Variants in TTN observed in about 807,000 individuals in gnomAD.
TTN encodes the protein titin.
Under a neutral mutation model 3,223.0 loss-of-function variants are expected in TTN, and 1,525 were observed. The observed-to-expected ratio is 0.47, with a 90% CI of 0.45 to 0.49. The LOEUF (loss-of-function observed/expected upper bound fraction) is 0.49. TTN is among the 20% of genes least tolerant of loss of function. The pLI is 0.00. For synonymous variants in TTN, 14,094 were observed against 15,161.0 expected, an observed-to-expected ratio of 0.93 and a Z score of 5.17; for missense variants, 40,786 against 43,424.0, an observed-to-expected ratio of 0.94 and a Z score of 5.40.
chr2:178,723,683 A>T lies in TTN; in HGVS notation c.21417T>A (p.Phe7139Leu). 1 of 1,585,662 alleles carries T rather than the reference A, an allele frequency of 6.3e-7. No individual in the cohort carries two copies. ...AVLTVQEPPS[F>L]VKEPEPLEVL... ...CTTCCAAAGGTTCAGGTTCTTTCAC[A>T]AAAGAGGGTGGTTCTATATAGACAT... The change falls in exon 74 of 363, where the codon TTT becomes TTA. Residue 7139 changes from phenylalanine to leucine, a missense_variant. By Grantham distance (22) the Phe-to-Leu change is conservative (BLOSUM62 0). Transcript: ENST00000589042.
rs753408795 is a variant in TTN, at chr2:178,594,560, C to T, written c.57934G>A (p.Gly19312Ser). ...TLTWNPPKYD[G>S]GSEIINYVLE... Reference sequence around the variant, plus strand: ...ACATAGTTAATAATTTCTGACCCACCATCATACTTAGGAGGATTCCAAGTC... The same window carrying T: ...ACATAGTTAATAATTTCTGACCCACTATCATACTTAGGAGGATTCCAAGTC... The change falls in exon 296 of 363, where the codon GGT becomes AGT. Residue 19312 changes from glycine to serine, a missense_variant. By Grantham distance (56) the Gly-to-Ser change is moderately conservative. Coordinates refer to ENST00000589042, the MANE Select transcript of TTN (RefSeq NM_001267550.2). 6 of 1,613,138 alleles carry T rather than the reference C, an allele frequency of 3.7e-6. No individual in the cohort carries two copies. The African/African-American group carries it at 8.0e-5, about 22-fold the overall frequency.
rs768739517 is a variant in TTN at position 178,795,019 on chromosome 2, T to A, written c.1148A>T (p.Gln383Leu). ...AGCACCACTGATGGTCACTTGCTCC[T>A]GGACACCGTATCTCCCTTCCCATCT... Reference protein sequence around the residue: ...EERWEGRYGVQEQVTISGAAG... With the variant: ...EERWEGRYGVLEQVTISGAAG... The change falls in exon 7 of 363, where the codon CAG (glutamine) becomes CTG (leucine). Residue 383 changes from glutamine (Q) to leucine (L), a missense_variant. By Grantham distance (113) the Gln-to-Leu change is moderately radical (BLOSUM62 -2). Transcript: ENST00000589042. 1.2e-6 allele frequency: 2 copies of A among 1,611,956 alleles called. No individual in the cohort carries two copies. The highest frequency in any genetic ancestry group is 3.3e-5 in the Admixed American group (2 of 60,030).
At position 178,576,834 on chromosome 2, in the gene TTN, G is replaced by T. The variant is rs1232621000; in HGVS notation, c.69413-3C>A. On this transcript the variant is annotated splice_polypyrimidine_tract_variant and splice_region_variant and intron_variant, in intron 324 of 362. Transcript: ENST00000589042. The surrounding 1 kb of genome is among the most constrained non-coding windows in gnomAD (Gnocchi z 4.3). ...TTTTTCAGGAGGGCCAGGGGGACCT[G>T]AAAAGGAAGCAAATTTATTAGAAAT... The T allele has an allele frequency of 1.1e-5, 17 of 1,603,278 alleles. No individual in the cohort carries two copies. Among genetic ancestry groups the T allele is most frequent in the African/African-American group, 1.4e-5 (1 of 73,874 alleles).
rs1698086826 is a variant in TTN, at chr2:178,548,476, A to G, written c.93150T>C (p.His31050=). 6.2e-7 allele frequency: 1 copy of G among 1,613,696 alleles called. No individual in the cohort carries two copies. Among genetic ancestry groups the G allele is most frequent in the Non-Finnish European group, 8.5e-7 (1 of 1,179,776 alleles). ...TTGCCTCTCGTTTCTCTACCACATA[A>G]TGATGGATTCGGGCACCACCGTCAA... ...PLLDGGARIH[H]YVVEKREASR... The change falls in exon 339 of 363, where the codon CAT becomes CAC. Residue 31050 remains histidine, a synonymous_variant. Coordinates refer to ENST00000589042, the MANE Select transcript of TTN (RefSeq NM_001267550.2). The surrounding 1 kb of genome is among the most constrained non-coding windows in gnomAD (Gnocchi z 4.3).
At chr2:178,695,154 C>T (rs2073405685) in intron 115 of TTN, among the ~76,000 whole-genome samples, 194 bp downstream of exon 115, 2 of 151,558 alleles carry the variant, frequency 1.3e-5, no homozygotes, top group Non-Finnish European at 2.9e-5. Context: ...TTTACCATTA[C>T]AATTTTTATC....
In TTN at chr2:178,557,813, T is replaced by C; in HGVS notation, c.87541A>G (p.Ser29181Gly). 2 of 1,613,986 alleles carry C rather than the reference T, an allele frequency of 1.2e-6. No individual in the cohort carries two copies. The highest frequency in any genetic ancestry group is 1.7e-6 in the Non-Finnish European group (2 of 1,179,846). The change falls in exon 328 of 363, where the codon AGT (serine) becomes GGT (glycine). Residue 29181 changes from serine to glycine, a missense_variant. By Grantham distance (56) the Ser-to-Gly change is moderately conservative. Coordinates refer to ENST00000589042, the MANE Select transcript of TTN (RefSeq NM_001267550.2). ...TNYILLKRETSTAVWTEVSAT... is the reference protein window; with the variant it reads ...TNYILLKRETGTAVWTEVSAT... ...GACACTTCAGTCCACACTGCAGTAC[T>C]TGTTTCTCTTTTGAGTAGAATGTAG...
rs886038922 is a variant in TTN at position 178,593,261 on chromosome 2, C to T, written c.58947G>A (p.Gln19649=). 1 of 1,613,414 alleles carries T rather than the reference C, an allele frequency of 6.2e-7. No homozygotes were observed. Among genetic ancestry groups the T allele is most frequent in the Non-Finnish European group, 8.5e-7 (1 of 1,179,568 alleles). The change falls in exon 299 of 363, where the codon CAG becomes CAA. Residue 19649 remains glutamine (Q), a synonymous_variant. Coordinates refer to ENST00000589042, the MANE Select transcript of TTN (RefSeq NM_001267550.2). ...TTTCTGCAGAAACCCGGAATTCATA[C>T]TGACATCCTTCTAGAAGATCAGGAA... ...FRVPDLLEGC[Q]YEFRVSAENE...
At chr2:178,745,365 G>A in intron 47 of TTN, 1 of 1,401,736 alleles carries the variant, frequency 7.1e-7, no homozygotes, top group Non-Finnish European at 9.3e-7. Flanking sequence ...TACACAGCAT[G>A]ATTGACACAA....
At position 178,587,564 on chromosome 2, in the gene TTN, C is replaced by A; in HGVS notation, c.63745G>T (p.Val21249Leu). 2 of 1,612,132 alleles carry A rather than the reference C, an allele frequency of 1.2e-6. No homozygotes were observed. Among genetic ancestry groups the A allele is most frequent in the Non-Finnish European group, 1.7e-6 (2 of 1,179,112 alleles). ...DDSGKYSLTL[V>L]NPAGEKAVFV... ...ACAGCCTTTTCTCCTGCTGGGTTCA[C>A]AAGTGTTAAGGAATATTTTCCTGAG... Residue 21249 changes from valine (V) to leucine (L), a missense_variant, in exon 306 of 363, where the codon GTG becomes TTG. By Grantham distance (32) the Val-to-Leu change is conservative (BLOSUM62 1). Coordinates refer to ENST00000589042, the MANE Select transcript of TTN (RefSeq NM_001267550.2).
At position 178,547,202 on chromosome 2, in the gene TTN, A is replaced by C; in HGVS notation, c.94323T>G (p.Ile31441Met). 1.9e-6 allele frequency: 3 copies of C among 1,613,860 alleles called. 1 individual carries two copies. The South Asian group carries it at 3.3e-5, about 18-fold the overall frequency. The stretch of plus-strand genomic sequence containing the variant: ...GTTCTTTCTTCTCAACCCAGTAGCC[A>C]ATGATTTTACTGCCACCATCGTGGT... ...EPYHDGGSKI[I>M]GYWVEKKERN... Residue 31441 changes from isoleucine to methionine, a missense_variant, in exon 340 of 363, where the codon ATT becomes ATG. By Grantham distance (10) the Ile-to-Met change is conservative. Coordinates refer to ENST00000589042, the MANE Select transcript of TTN (RefSeq NM_001267550.2).
Position 178,608,289 on chromosome 2 carries a change from C to G in TTN, c.52594G>C (p.Asp17532His). ...SLLNALKANV[D>H]GLLEGLTYVF... ...TAGGTGAGTCCTTCTAATAAGCCAT[C>G]TACATTGGCTTTCAAGGCATTCAGA... The change falls in exon 275 of 363, where the codon GAT becomes CAT. Residue 17532 changes from aspartate to histidine, a missense_variant. By Grantham distance (81) the Asp-to-His change is moderately conservative. Coordinates refer to ENST00000589042, the MANE Select transcript of TTN (RefSeq NM_001267550.2). 2.5e-6 allele frequency: 4 copies of G among 1,612,190 alleles called. No homozygotes were observed. The highest frequency in any genetic ancestry group is 1.1e-5 in the South Asian group (1 of 90,920).
intron 90 of TTN, 94 bp downstream of exon 90, chr2:178,714,892 T>C: frequency 6.8e-7 from 1 of 1,464,572 alleles, no homozygotes; most frequent in Non-Finnish European, 9.2e-7. Context: ...TGGAATAGGC[T>C]GCTAGTGATA....
rs2080673398 is a variant in TTN at position 178,732,233 on chromosome 2, G to A, written c.16736C>T (p.Ala5579Val). 1 of 1,613,684 alleles carries A rather than the reference G, an allele frequency of 6.2e-7. No individual in the cohort carries two copies. The highest frequency in any genetic ancestry group is 8.5e-7 in the Non-Finnish European group (1 of 1,179,786). ...GCTCTCCTTAATTTCTCTATCATTT[G>A]CAAACCATGTTATTTTAATTGGAGG... is the stretch of plus-strand genomic sequence containing the variant. ...GTPPIKITWF[A>V]NDREIKESSK... The change falls in exon 57 of 363, where the codon GCA becomes GTA. Residue 5579 changes from alanine (A) to valine (V), a missense_variant. Transcript: ENST00000589042.
At position 178,712,535 on chromosome 2, in the gene TTN, C is replaced by A; in HGVS notation, c.27387G>T (p.Leu9129=). ...TTCCAGTGAATGTACCCTCTAGGAT[C>A]AGGGGTTTTCCTTTCTCTATGCTGT... ...NDYSIEKGKP[L]ILEGTFTGTP... is the part of the protein sequence containing the mutation. The change falls in exon 95 of 363, where the codon CTG becomes CTT. Residue 9129 remains leucine, a synonymous_variant. Coordinates refer to ENST00000589042, the MANE Select transcript of TTN (RefSeq NM_001267550.2). 6.2e-7 allele frequency: 1 copy of A among 1,613,488 alleles called. No homozygotes were observed. Among genetic ancestry groups the A allele is most frequent in the Non-Finnish European group, 8.5e-7 (1 of 1,179,654 alleles).
rs1389021546 is a variant in TTN, at chr2:178,682,812, TTCATATTCC to T, written c.32970_32978del (p.Glu10993_Tyr10995del). 3 of 1,612,318 alleles carry T rather than the reference TTCATATTCC, an allele frequency of 1.9e-6. No homozygotes were observed. In the Admixed American group the frequency reaches 5.0e-5, roughly 27 times the overall value. Reference sequence around the variant, plus strand: ...CCTCAAATTCTTTATAATCATATTCTTCATATTCCTCATATTCTTCTTCCCGTTGTACTG... The same window carrying T: ...CCTCAAATTCTTTATAATCATATTCTTCATATTCTTCTTCCCGTTGTACTG... On this transcript the variant is annotated inframe_deletion, in exon 135 of 363. Transcript: ENST00000589042.
chr2:178,773,877 C>A lies in TTN; in HGVS notation c.7291G>T (p.Ala2431Ser). 2 of 1,614,034 alleles carry A rather than the reference C, an allele frequency of 1.2e-6. No homozygotes were observed. The highest frequency in any genetic ancestry group is 1.1e-5 in the South Asian group (1 of 91,068). ...DAGNYSFTIP[A>S]LGLSTSGRVS... Reference sequence around the variant, plus strand: ...CGCCCACTGGTGGAGAGGCCAAGGGCTGGAATGGTGAAAGAGTAATTTCCA... The same window carrying A: ...CGCCCACTGGTGGAGAGGCCAAGGGATGGAATGGTGAAAGAGTAATTTCCA... Residue 2431 changes from alanine (A) to serine (S), a missense_variant, in exon 31 of 363, where the codon GCC (alanine) becomes TCC (serine). Coordinates refer to ENST00000589042, the MANE Select transcript of TTN (RefSeq NM_001267550.2).
chr2:178,610,809 G>A (rs558688435), intron 270 of TTN, among the ~76,000 whole-genome samples, 184 bp downstream of exon 270: 1 of 152,106 alleles, frequency 6.6e-6, no homozygotes, highest in South Asian at 2.1e-4. Flanking sequence ...AGTCTAATAA[G>A]CGTTTAGCGA....
At chr2:178,773,000 G>A in intron 33 of TTN, 109 bp downstream of exon 33, 2 of 1,417,778 alleles carry the variant, frequency 1.4e-6, no homozygotes, top group East Asian at 2.4e-5. Context: ...AACAGCATAA[G>A]CAGAGGCATG....
rs2070273158 is a variant in TTN, at chr2:178,684,386, T to C, written c.32666A>G (p.Gln10889Arg). The change falls in exon 132 of 363, where the codon CAG (glutamine) becomes CGG (arginine). Residue 10889 changes from glutamine (Q) to arginine (R), a missense_variant. Coordinates refer to ENST00000589042, the MANE Select transcript of TTN (RefSeq NM_001267550.2). Reference sequence around the variant, plus strand: ...TACAGCAACAAGAACTTTTTCTTCCTGGGTAATTTGCATGTGCCTCTCAGT... The same window carrying C: ...TACAGCAACAAGAACTTTTTCTTCCCGGGTAATTTGCATGTGCCTCTCAGT... ...KVTERHMQITQEEKVLVAVTK... is the reference protein window; with the variant it reads ...KVTERHMQITREEKVLVAVTK... 2 of 1,613,548 alleles carry C rather than the reference T, an allele frequency of 1.2e-6. No homozygotes were observed. Among genetic ancestry groups the C allele is most frequent in the South Asian group, 1.1e-5 (1 of 91,044 alleles).
Sources: allele counts gnomAD v4.1 joint callset (sites outside exome capture counted in the v4.1 genomes callset), GRCh38; gene constraint gnomAD v4.1.1; non-coding constraint Gnocchi (gnomAD v3.1); transcripts MANE v1.5; gene names NCBI Gene and HGNC (gene_info 2026-07-23, HGNC 2026-07-21).